GTF2B: variants seen among roughly 807,000 people sequenced by gnomAD.
GTF2B encodes the protein general transcription factor IIB.
In GTF2B, 20 loss-of-function variants were observed where a neutral mutation model predicts 34.6. The ratio of observed to expected loss-of-function variants is 0.58; its 90% CI spans 0.41 to 0.84. The LOEUF (loss-of-function observed/expected upper bound fraction) is 0.84. Ranked by LOEUF, GTF2B falls within the 40% of genes least tolerant of loss-of-function variation. GTF2B has a pLI of 0.00. For synonymous variants in GTF2B, 142 were observed against 132.4 expected (o/e 1.07, Z -0.50); for missense variants, 237 against 393.3 (o/e 0.60, Z 3.36).
At chr1:88,885,681 C>T (rs1435675900) in intron 2 of GTF2B, among the ~76,000 whole-genome samples, 2 of 151,892 alleles carry the variant, frequency 1.3e-5, no homozygotes, top group Non-Finnish European at 2.9e-5. Context: ...ACCCGGGAGG[C>T]GGAGGTTGTG....
At chr1:88,857,108 G>GGT in intron 6 of GTF2B, 98 bp downstream of exon 6, 2 of 1,132,458 alleles carry the variant, frequency 1.8e-6, no homozygotes, top group Non-Finnish European at 2.6e-6. Context: ...GTCAAATGTG[G>GGT]GTTTCTTGCT....
chr1:88,866,562 C>T (rs1200916481), intron 2 of GTF2B, among the ~76,000 whole-genome samples: 1 of 152,156 alleles, frequency 6.6e-6, no homozygotes, highest in Non-Finnish European at 1.5e-5. Flanking sequence ...ACCACCACTG[C>T]CTGCCTGGCT....
intron 2 of GTF2B, among the ~76,000 whole-genome samples, chr1:88,885,101 T>C (rs1274684923): frequency 6.6e-6 from 1 of 152,226 alleles, no homozygotes; most frequent in African/African-American, 2.4e-5. Context: ...AAGAGTCATA[T>C]ACACTATGTA....
intron 1 of GTF2B, 30 bp downstream of exon 1, chr1:88,891,453 A>G (rs1674206737): frequency 1.3e-6 from 2 of 1,588,742 alleles, no homozygotes; most frequent in Admixed American, 1.7e-5. Context: ...CCCGCCCCTC[A>G]GCTCGCCGGG....
chr1:88,882,243 G>C (rs986852102), intron 2 of GTF2B, among the ~76,000 whole-genome samples: 5 of 145,012 alleles, frequency 3.4e-5, no homozygotes, highest in African/African-American at 1.3e-4. Flanking sequence ...CCCGGAGGCA[G>C]AGGCTGCAGT....
chr1:88,866,065 A>G (rs1231116128), intron 2 of GTF2B, among the ~76,000 whole-genome samples: 1 of 151,954 alleles, frequency 6.6e-6, no homozygotes, highest in Non-Finnish European at 1.5e-5. Flanking sequence ...AATCTTAGTG[A>G]TAGATTTAAA....
At chr1:88,880,146 G>A (rs555006429) in intron 2 of GTF2B, among the ~76,000 whole-genome samples, 158 of 152,178 alleles carry the variant, frequency 1.0e-3, no homozygotes, top group African/African-American at 3.6e-3. Context: ...AATTAATATG[G>A]TTTAATCTAA....
intron 3 of GTF2B, among the ~76,000 whole-genome samples, chr1:88,861,372 A>G (rs897779010): frequency 2.0e-5 from 3 of 152,242 alleles, no homozygotes; most frequent in African/African-American, 4.8e-5. Flanking sequence ...AATATTAAAT[A>G]TTAAAAAACA....
At chr1:88,888,836 G>A (rs936492903) in intron 1 of GTF2B, among the ~76,000 whole-genome samples, 3 of 152,254 alleles carry the variant, frequency 2.0e-5, no homozygotes, top group South Asian at 2.1e-4. Flanking sequence ...TTTAAAGCAG[G>A]CCAAATGAAT....
At chr1:88,886,800 TTC>T (rs1452595465) in intron 2 of GTF2B, among the ~76,000 whole-genome samples, 2 of 121,008 alleles carry the variant, frequency 1.7e-5, no homozygotes, top group Non-Finnish European at 3.7e-5. Context: ...GTTTACTCGT[TTC>T]TGTTTCCTAA....
At position 88,869,690 on chromosome 1, in the gene GTF2B, C is replaced by A. The variant is rs569737137; in HGVS notation, c.125-5576G>T. Among the ~76,000 whole-genome samples, 4 of 151,938 alleles carry A rather than the reference C, an allele frequency of 2.6e-5. No individual in the cohort carries two copies. The South Asian group carries it at 8.3e-4, about 32-fold the overall frequency. The stretch of plus-strand genomic sequence containing the variant: ...TTGCCCAGGCTAGTGTGCAGTGGCA[C>A]GATTTCAACTCACTGCAACCTCTGC... On this transcript the variant is annotated intron_variant, in intron 2 of 6. Transcript: ENST00000370500.
intron 3 of GTF2B, 64 bp from the exon 4 acceptor site, chr1:88,860,350 A>G (rs572079375): frequency 1.8e-6 from 2 of 1,130,348 alleles, no homozygotes; most frequent in African/African-American, 3.1e-5. Context: ...GACAATTTCT[A>G]TGAAAATATA....
chr1:88,862,669 C>T (rs1032343496), intron 3 of GTF2B, among the ~76,000 whole-genome samples: 1 of 152,048 alleles, frequency 6.6e-6, no homozygotes, highest in African/African-American at 2.4e-5. Context: ...ACAAGAGTGT[C>T]ACTCTGTTGC....
chr1:88,887,555 C>G (rs773856856), intron 1 of GTF2B, 188 bp from the exon 2 acceptor site: 12 of 510,466 alleles, frequency 2.4e-5, no homozygotes, highest in Non-Finnish European at 3.9e-5. Context: ...TAGTAACTGG[C>G]AAGTAGTTTC....
chr1:88,855,367 T>G (rs957911423), intron 6 of GTF2B, among the ~76,000 whole-genome samples: 5 of 150,804 alleles, frequency 3.3e-5, no homozygotes, highest in East Asian at 1.9e-4. Context: ...TTGTTTTTTT[T>G]TTTTTTTTTT....
At chr1:88,889,375 T>C (rs1674148500) in intron 1 of GTF2B, among the ~76,000 whole-genome samples, 1 of 151,984 alleles carries the variant, frequency 6.6e-6, no homozygotes. Context: ...AGAGAAACAA[T>C]AGGGAGGAAT....
chr1:88,888,934 A>C (rs994202036), intron 1 of GTF2B, among the ~76,000 whole-genome samples: 1 of 152,242 alleles, frequency 6.6e-6, no homozygotes, highest in Non-Finnish European at 1.5e-5. Context: ...AGCTAGTGCT[A>C]GTGGTATCTG....
chr1:88,873,229 GC>G (rs1239975577), intron 2 of GTF2B, among the ~76,000 whole-genome samples: 1 of 131,758 alleles, frequency 7.6e-6, no homozygotes, highest in Non-Finnish European at 1.5e-5. Context: ...TCGCTGTGTC[GC>G]CCAGGCTGGA....
At position 88,880,996 on chromosome 1, in the gene GTF2B, G is replaced by A. The variant is rs1458833065; in HGVS notation, c.124+6265C>T. Among the ~76,000 whole-genome samples, 5 of 134,700 alleles carry A rather than the reference G, an allele frequency of 3.7e-5. No homozygotes were observed. The South Asian group carries it at 9.3e-4, about 25-fold the overall frequency. The allele number at this position is 134,700 out of a possible 152,430, so 88.4% of individuals were successfully genotyped here. A position where few individuals can be genotyped will look rare whatever the true frequency, so the allele number is the denominator to read the frequency against. Reference sequence around the variant, plus strand: ...TGCACTCCGGCCTGGGTGACAGAGCGAGATGCTGTCTCAAAAAAAAAAAAA... The same window carrying A: ...TGCACTCCGGCCTGGGTGACAGAGCAAGATGCTGTCTCAAAAAAAAAAAAA... On this transcript the variant is annotated intron_variant, in intron 2 of 6. Transcript: ENST00000370500.
Sources: gnomAD v4.1 joint callset for allele counts (sites outside exome capture counted in the v4.1 genomes callset) on GRCh38, gnomAD v4.1.1 for gene constraint, MANE v1.5 for transcripts, NCBI Gene and HGNC (gene_info 2026-07-23, HGNC 2026-07-21) for gene names.